The following KCP variants were observed in gnomAD, a reference collection of about 807,000 sequenced individuals.
The protein encoded by KCP is kielin cysteine rich BMP regulator, also known as kielin/chordin-like protein.
Under a neutral mutation model 212.7 loss-of-function variants are expected in KCP, and 194 were observed. That is an observed-to-expected ratio of 0.91 (90% CI 0.81 to 1.03). KCP has a LOEUF of 1.03. Among genes scored for constraint, KCP ranks in the 50% least tolerant of loss-of-function variants. The pLI is 0.00. For missense variants in KCP, 2,080 were observed against 2,162.5 expected, an observed-to-expected ratio of 0.96 and a Z score of 0.76; for synonymous variants, 833 against 865.3, an observed-to-expected ratio of 0.96 and a Z score of 0.65.
Position 128,880,655 on chromosome 7 carries a change from C to G in KCP, c.3580G>C (p.Val1194Leu). The G allele has an allele frequency of 1.1e-5, 9 of 842,052 alleles. No homozygotes were observed. 52.2% of individuals were successfully genotyped at this position (842,052 alleles called of 1,614,324 possible). The change falls in exon 33 of 40, where the codon GTG (valine) becomes CTG (leucine). Residue 1194 changes from valine to leucine, a missense_variant. Val to Leu is a conservative substitution (Grantham distance 32). Coordinates refer to ENST00000610776, the MANE Select transcript of KCP (RefSeq NM_001366122.1). ...ALSCPHGWAK[V>L]PQADSCCERC... ...TCACAGCAGCTGTCAGCCTGGGGCA[C>G]CTTCGCCCAGCCATGGGGGCAGGAG...
At chr7:128,904,249 A>C in intron 5 of KCP, 111 bp from the exon 6 acceptor site, 2 of 1,540,450 alleles carry the variant, frequency 1.3e-6, no homozygotes, top group Non-Finnish European at 1.8e-6. Context: ...GGTTGAAGGG[A>C]TGGCGGGGCA....
intron 16 of KCP, 90 bp from the exon 17 acceptor site, chr7:128,891,909 T>G: frequency 1.0e-6 from 1 of 960,060 alleles, no homozygotes; most frequent in East Asian, 2.9e-5. Context: ...AAGTGCCCAC[T>G]TGGAAGCTGA....
rs768004796 is a variant in KCP at position 128,881,165 on chromosome 7, C to T, written c.3425-80G>A. The T allele has an allele frequency of 4.3e-5, 17 of 398,854 alleles. No individual in the cohort carries two copies. The South Asian group carries it at 6.4e-4, about 15-fold the overall frequency. The allele number at this position is 398,854 out of a possible 1,614,324, so 24.7% of individuals were successfully genotyped here. ...TCCTTGGAGCTTACCCAGCATTTCACGGCAGGAAAGCACCCACTCCGTGTC... is the reference window on the plus strand; with the variant it reads ...TCCTTGGAGCTTACCCAGCATTTCATGGCAGGAAAGCACCCACTCCGTGTC... On this transcript the variant is annotated intron_variant, in intron 31 of 39. Coordinates refer to ENST00000610776, the MANE Select transcript of KCP (RefSeq NM_001366122.1).
intron 2 of KCP, among the ~76,000 whole-genome samples, chr7:128,908,140 AAAG>A (rs1161069535): frequency 4.4e-5 from 6 of 135,190 alleles, no homozygotes; most frequent in African/African-American, 1.9e-4. Flanking sequence ...AAAAAAAAAA[AAAG>A]AAAGAGAGAG....
intron 8 of KCP, among the ~76,000 whole-genome samples, chr7:128,896,934 C>T (rs1794566393): frequency 6.8e-6 from 1 of 147,374 alleles, no homozygotes; most frequent in African/African-American, 2.5e-5. Flanking sequence ...TCTACCGATA[C>T]ACAGCCATCC....
intron 1 of KCP, 80 bp from the exon 2 acceptor site, chr7:128,908,648 C>T: frequency 6.9e-7 from 1 of 1,454,424 alleles, no homozygotes; most frequent in African/African-American, 1.4e-5. Flanking sequence ...GTCTTCTGAC[C>T]CACAGGGGAA....
intron 16 of KCP, among the ~76,000 whole-genome samples, chr7:128,892,117 G>T (rs1341999636): frequency 6.6e-6 from 1 of 152,028 alleles, no homozygotes. Flanking sequence ...CTCTCTATGC[G>T]GGCAGGGACG....
chr7:128,907,112 AGGT>A lies in KCP; in HGVS notation c.472_474del (p.Thr158del), dbSNP rs781733223. On this transcript the variant is annotated inframe_deletion, in exon 4 of 40. Coordinates refer to ENST00000610776, the MANE Select transcript of KCP (RefSeq NM_001366122.1). ...TCCTGGGAGCTTACCAGACAGCGGC[AGGT>A]GGTGCAGGCATCTGGGGAGAAGGTC... 1 of 1,551,262 alleles carries A rather than the reference AGGT, an allele frequency of 6.4e-7. No individual in the cohort carries two copies. Among genetic ancestry groups the A allele is most frequent in the Non-Finnish European group, 8.7e-7 (1 of 1,146,902 alleles).
chr7:128,887,806 C>T (rs1171652454), intron 22 of KCP, among the ~76,000 whole-genome samples: 1 of 146,098 alleles, frequency 6.8e-6, no homozygotes, highest in African/African-American at 2.6e-5. Context: ...TACACACATA[C>T]CCATATACAC....
Position 128,907,374 on chromosome 7 carries a change from C to A in KCP, c.299G>T (p.Gly100Val). 3 of 1,540,956 alleles carry A rather than the reference C, an allele frequency of 1.9e-6. No homozygotes were observed. The highest frequency in any genetic ancestry group is 2.6e-6 in the Non-Finnish European group (3 of 1,138,878). ...GCGTGCCCCCTCGGGCCAGGCACGC[C>A]CCAGCCCCCAGCACTGGGGAGATGC... ...HPASPQCWGLGRAWPEGARWE... is the reference protein window; with the variant it reads ...HPASPQCWGLVRAWPEGARWE... Residue 100 changes from glycine (G) to valine (V), a missense_variant, in exon 3 of 40, where the codon GGG becomes GTG. Physicochemically the swap from Gly to Val is moderately radical, Grantham distance 109. Coordinates refer to ENST00000610776, the MANE Select transcript of KCP (RefSeq NM_001366122.1).
chr7:128,894,046 A>G lies in KCP; in HGVS notation c.935T>C (p.Leu312Pro), dbSNP rs779250803. The change falls in exon 10 of 40, where the codon CTA becomes CCA. Residue 312 changes from leucine to proline, a missense_variant. Leu to Pro is a moderately conservative substitution (Grantham distance 98). Coordinates refer to ENST00000610776, the MANE Select transcript of KCP (RefSeq NM_001366122.1). ...TCCPVCDGCF[L>P]NGREHRSGEP... ...CCCGCTGCGGTGCTCCCGCCCGTTT[A>G]GGAAACAGCCTGTTGGGAAGGGGGG... 6.7e-5 allele frequency: 104 copies of G among 1,549,854 alleles called. 5 individuals are homozygous for G. In the South Asian group the frequency reaches 1.2e-3, roughly 18 times the overall value.
At chr7:128,903,527 A>T (rs892857853) in intron 7 of KCP, among the ~76,000 whole-genome samples, 200 bp downstream of exon 7, 1 of 152,218 alleles carries the variant, frequency 6.6e-6, no homozygotes, top group Non-Finnish European at 1.5e-5. Context: ...ATGGAATATC[A>T]TTATCTGCAC....
At chr7:128,878,466 C>A in intron 38 of KCP, 92 bp downstream of exon 38, 2 of 1,373,706 alleles carry the variant, frequency 1.5e-6, no homozygotes, top group Non-Finnish European at 2.0e-6. Context: ...ACTTCGCCCC[C>A]CTTCCCTGCT....
In KCP at chr7:128,876,993, C is replaced by T. The variant is rs1793025187; in HGVS notation, c.*50G>A. 1.3e-6 allele frequency: 2 copies of T among 1,523,576 alleles called. No homozygotes were observed. The highest frequency in any genetic ancestry group is 1.4e-5 in the African/African-American group (1 of 71,320). The allele number at this position is 1,523,576 out of a possible 1,614,324, so 94.4% of individuals were successfully genotyped here. A position where few individuals can be genotyped will look rare whatever the true frequency, so the allele number is the denominator to read the frequency against. On this transcript the variant is annotated 3_prime_UTR_variant, in exon 40 of 40. Transcript: ENST00000610776. ...CCCTAACCAGGGTGGGAACTGCTCG[C>T]CAAGGGGAGACTCCTGGCCTGATGA...
chr7:128,877,426 C>G lies in KCP; in HGVS notation c.4618+58G>C. 3 of 1,538,406 alleles carry G rather than the reference C, an allele frequency of 2.0e-6. No homozygotes were observed. In the South Asian group the frequency reaches 3.6e-5, roughly 19 times the overall value. The stretch of plus-strand genomic sequence containing the variant: ...CTGGTCCTGCCCTGAGCCCTCCGGG[C>G]TGCCCTTCTTCTCTGTGCTGAGCCT... On this transcript the variant is annotated intron_variant, in intron 39 of 39. Coordinates refer to ENST00000610776, the MANE Select transcript of KCP (RefSeq NM_001366122.1).
chr7:128,893,860 C>G lies in KCP; in HGVS notation c.1045G>C (p.Val349Leu), dbSNP rs1346677423. The G allele has an allele frequency of 2.6e-6, 4 of 1,551,346 alleles. No homozygotes were observed. The highest frequency in any genetic ancestry group is 3.5e-6 in the Non-Finnish European group (4 of 1,147,004). The part of the protein sequence containing the change: ...VQCEPLPCPP[V>L]PCRHPGKIPG... ...ATCTTGCCTGGGTGTCTGCAGGGCA[C>G]TGGCGGGCAGGGCAGAGGCTCACAC... Residue 349 changes from valine (V) to leucine (L), a missense_variant, in exon 11 of 40, where the codon GTG becomes CTG. Val to Leu is a conservative substitution (Grantham distance 32). Coordinates refer to ENST00000610776, the MANE Select transcript of KCP (RefSeq NM_001366122.1).
chr7:128,885,322 T>A lies in KCP; in HGVS notation c.2867-52A>T, dbSNP rs376765801. 168 of 1,493,996 alleles carry A rather than the reference T, an allele frequency of 1.1e-4. No homozygotes were observed. In the African/African-American group the frequency reaches 2.0e-3, roughly 17 times the overall value. The allele number at this position is 1,493,996 out of a possible 1,614,324, so 92.5% of individuals were successfully genotyped here. ...GCTCGGAGGTTGAGATCTGGACATC[T>A]GCTCCTGGCCCCCACCCTCAGTGGT... is the stretch of plus-strand genomic sequence containing the variant. On this transcript the variant is annotated intron_variant, in intron 26 of 39. Transcript: ENST00000610776.
chr7:128,892,706 G>A lies in KCP; in HGVS notation c.1509C>T (p.Cys503=), dbSNP rs532810049. ...GQNFTDADSP[C]HACHCQDGTV... ...CAGTTACCTGACAGTGGCAGGCATG[G>A]CAAGGGCTGTCTGCATCCGTGAAGT... The change falls in exon 15 of 40, where the codon TGC becomes TGT. Residue 503 remains cysteine, a synonymous_variant. Transcript: ENST00000610776. 182 of 1,551,520 alleles carry A rather than the reference G, an allele frequency of 1.2e-4. No homozygotes were observed. Among genetic ancestry groups the A allele is most frequent in the Non-Finnish European group, 1.5e-4 (172 of 1,146,952 alleles).
At chr7:128,908,700 C>T in intron 1 of KCP, 132 bp from the exon 2 acceptor site, 2 of 987,374 alleles carry the variant, frequency 2.0e-6, no homozygotes, top group Non-Finnish European at 2.9e-6. Flanking sequence ...ATTGCCCACC[C>T]ACCATCCAGG....
Sources: gnomAD v4.1 joint callset for allele counts (sites outside exome capture counted in the v4.1 genomes callset) on GRCh38, gnomAD v4.1.1 for gene constraint, MANE v1.5 for transcripts, NCBI Gene and HGNC (gene_info 2026-07-23, HGNC 2026-07-21) for gene names.